MPZL3: variants seen among roughly 807,000 people sequenced by gnomAD.
MPZL3 encodes the protein myelin protein zero like 3, also known as myelin protein zero-like protein 3.
Under a neutral mutation model 24.8 loss-of-function variants are expected in MPZL3, and 23 were observed. The ratio of observed to expected loss-of-function variants is 0.93; its 90% CI spans 0.67 to 1.31. The LOEUF (loss-of-function observed/expected upper bound fraction) is 1.31. Ranked by LOEUF, MPZL3 falls within the 40% of genes most tolerant of loss-of-function variation. The pLI is 0.00. For missense variants in MPZL3, 277 were observed against 294.9 expected (o/e 0.94, Z 0.44); for synonymous variants, 99 against 106.5 (o/e 0.93, Z 0.44).
At chr11:118,250,727 C>G (rs1339251842) in intron 1 of MPZL3, among the ~76,000 whole-genome samples, 2 of 151,922 alleles carry the variant, frequency 1.3e-5, no homozygotes, top group Non-Finnish European at 2.9e-5. Context: ...ATTACAGGCG[C>G]CCGCCACCAC....
intron 2 of MPZL3, among the ~76,000 whole-genome samples, chr11:118,238,995 T>C (rs1949459580): frequency 6.6e-6 from 1 of 152,194 alleles, no homozygotes; most frequent in South Asian, 2.1e-4. Context: ...CCCTTGCAAA[T>C]TGATTAATCT....
rs765878108 is a variant in MPZL3 at position 118,237,048 on chromosome 11, A to T, written c.451+2T>A. 2 of 1,613,520 alleles carry T rather than the reference A, an allele frequency of 1.2e-6. No individual in the cohort carries two copies. The highest frequency in any genetic ancestry group is 2.2e-5 in the South Asian group (2 of 91,056). On this transcript the variant is annotated splice_donor_variant, in intron 3 of 5. Transcript: ENST00000278949. LOFTEE classifies it high-confidence loss of function. The stretch of plus-strand genomic sequence containing the variant: ...GAAGAAGGTTGGTGGCAATGAGCTT[A>T]CCCCTTTCTGTGACTGTTAGCTCTG...
intron 5 of MPZL3, among the ~76,000 whole-genome samples, chr11:118,231,376 C>T (rs907020592): frequency 2.6e-5 from 4 of 152,160 alleles, no homozygotes; most frequent in African/African-American, 9.7e-5. Flanking sequence ...AATAATTCCT[C>T]TTCATCTCCC....
At chr11:118,241,628 G>A (rs1949500461) in intron 1 of MPZL3, among the ~76,000 whole-genome samples, 1 of 152,220 alleles carries the variant, frequency 6.6e-6, no homozygotes, top group South Asian at 2.1e-4. Flanking sequence ...GTGTTAGACA[G>A]TGTCATTGTC....
chr11:118,233,426 T>C, intron 5 of MPZL3, 34 bp downstream of exon 5: 1 of 1,612,662 alleles, frequency 6.2e-7, no homozygotes, highest in Non-Finnish European at 8.5e-7. Flanking sequence ...AAGTGGGACA[T>C]CAACAGTAAG....
chr11:118,252,132 TCTGGAGACCC>T, intron 1 of MPZL3, 80 bp downstream of exon 1: 1 of 1,367,130 alleles, frequency 7.3e-7, no homozygotes, highest in Non-Finnish European at 1.0e-6. Flanking sequence ...GCGGGGGCTT[TCTGGAGACCC>T]CCCTACCCGG....
chr11:118,233,256 G>A (rs367618131), intron 5 of MPZL3, among the ~76,000 whole-genome samples: 7 of 152,052 alleles, frequency 4.6e-5, no homozygotes, highest in Admixed American at 1.3e-4. Context: ...ACTGCTCTAC[G>A]ACCACGAGAC....
At chr11:118,240,453 T>C (rs547386661) in intron 1 of MPZL3, 76 bp from the exon 2 acceptor site, 4 of 1,442,720 alleles carry the variant, frequency 2.8e-6, no homozygotes, top group Non-Finnish European at 2.8e-6. Flanking sequence ...ACAATTATTT[T>C]TAGAGCCCTC....
chr11:118,243,122 G>A (rs771431273), intron 1 of MPZL3, among the ~76,000 whole-genome samples: 23 of 152,108 alleles, frequency 1.5e-4, no homozygotes, highest in Non-Finnish European at 2.4e-4. Context: ...AAAATCACAC[G>A]ACTGGACAAT....
chr11:118,231,276 T>C (rs975011494), intron 5 of MPZL3, among the ~76,000 whole-genome samples: 1 of 152,216 alleles, frequency 6.6e-6, no homozygotes, highest in African/African-American at 2.4e-5. Flanking sequence ...TCTCTTTTCC[T>C]AGAAATAATT....
intron 4 of MPZL3, 59 bp from the exon 5 acceptor site, chr11:118,233,582 T>C: frequency 1.3e-6 from 2 of 1,558,056 alleles, no homozygotes; most frequent in Non-Finnish European, 1.8e-6. Context: ...AGTAGAGCAG[T>C]TGAAAGTACA....
chr11:118,249,266 T>C (rs1184934157), intron 1 of MPZL3, among the ~76,000 whole-genome samples: 1 of 152,232 alleles, frequency 6.6e-6, no homozygotes, highest in Non-Finnish European at 1.5e-5. Flanking sequence ...ATTTGGGTGC[T>C]AGTTACCCAT....
intron 1 of MPZL3, among the ~76,000 whole-genome samples, chr11:118,251,800 T>C (rs546966510): frequency 6.6e-6 from 1 of 152,340 alleles, no homozygotes; most frequent in South Asian, 2.1e-4. Context: ...TTACCAACTG[T>C]CATGATTTTG....
rs927950885 is a variant in MPZL3 at position 118,229,790 on chromosome 11, C to T, written c.*104G>A. 2 of 1,119,238 alleles carry T rather than the reference C, an allele frequency of 1.8e-6. No homozygotes were observed. The highest frequency in any genetic ancestry group is 2.7e-6 in the Non-Finnish European group (2 of 747,584). The allele number at this position is 1,119,238 out of a possible 1,614,324, so 69.3% of individuals were successfully genotyped here. A position where few individuals can be genotyped will look rare whatever the true frequency, so the allele number is the denominator to read the frequency against. On this transcript the variant is annotated 3_prime_UTR_variant, in exon 6 of 6. Transcript: ENST00000278949. ...TGATGATCTCCAGGATTGTCCATCG[C>T]TATGGTCCAGGCCAGCTCCACTTTC... is the stretch of plus-strand genomic sequence containing the variant.
At chr11:118,240,510 A>G (rs1321471955) in intron 1 of MPZL3, 133 bp from the exon 2 acceptor site, 1 of 832,746 alleles carries the variant, frequency 1.2e-6, no homozygotes, top group African/African-American at 1.8e-5. Flanking sequence ...TTCTCAGGCA[A>G]GCCCACAAGG....
At chr11:118,237,954 T>C (rs1003618868) in intron 2 of MPZL3, among the ~76,000 whole-genome samples, 1 of 151,968 alleles carries the variant, frequency 6.6e-6, no homozygotes. Context: ...CTGGCCAACA[T>C]AGTGAAACCC....
Position 118,228,507 on chromosome 11 carries a change from T to C in MPZL3, c.*1387A>G, listed in dbSNP as rs1025675258. On this transcript the variant is annotated 3_prime_UTR_variant, in exon 6 of 6. Transcript: ENST00000278949. ...CCTTAATGGCTTATAAAAAATCCTA[T>C]GTAAATTAACATTTGAAACAAGTTG... 6.6e-6 allele frequency: 1 copy of C among 152,234 alleles called. No homozygotes were observed. Among genetic ancestry groups the C allele is most frequent in the African/African-American group, 2.4e-5 (1 of 41,466 alleles). 9.4% of individuals were successfully genotyped at this position (152,234 alleles called of 1,614,324 possible). A position where few individuals can be genotyped will look rare whatever the true frequency, so the allele number is the denominator to read the frequency against.
At chr11:118,250,541 G>A (rs577039389) in intron 1 of MPZL3, among the ~76,000 whole-genome samples, 1 of 152,142 alleles carries the variant, frequency 6.6e-6, no homozygotes, top group Non-Finnish European at 1.5e-5. Flanking sequence ...TGTATGGCAT[G>A]TGAATAATAT....
At chr11:118,235,249 C>T (rs1565492209) in intron 4 of MPZL3, among the ~76,000 whole-genome samples, 175 bp downstream of exon 4, 1 of 152,212 alleles carries the variant, frequency 6.6e-6, no homozygotes, top group Non-Finnish European at 1.5e-5. Context: ...AATATTCACA[C>T]ACATCACTTT....
Sources: gnomAD v4.1 joint callset for allele counts (sites outside exome capture counted in the v4.1 genomes callset) on GRCh38, gnomAD v4.1.1 for gene constraint, MANE v1.5 for transcripts, NCBI Gene and HGNC (gene_info 2026-07-23, HGNC 2026-07-21) for gene names.